RFX3: variants seen among roughly 807,000 people sequenced by gnomAD.
RFX3 encodes the protein transcription factor RFX3.
A neutral mutation model predicts 98.6 loss-of-function variants in RFX3; 14 were observed. The ratio of observed to expected loss-of-function variants is 0.14; its 90% confidence interval spans 0.09 to 0.22. The LOEUF (loss-of-function observed/expected upper bound fraction) is 0.22, where lower values mean the gene tolerates loss of function less well. Ranked by LOEUF, RFX3 falls within the 10% of genes least tolerant of loss-of-function variation. The pLI is 1.00. For synonymous variants in RFX3, 383 were observed against 328.4 expected (o/e 1.17, Z -1.80); for missense variants, 639 against 926.9 (o/e 0.69, Z 4.03).
chr9:3,491,006 T>C (rs1438422393), intron 1 of RFX3, among the ~76,000 whole-genome samples: 1 of 152,138 alleles, frequency 6.6e-6, no homozygotes, highest in Non-Finnish European at 1.5e-5. Context: ...TTACAACGTA[T>C]ATCTGATAAT....
chr9:3,467,780 C>G (rs182549397), intron 1 of RFX3, among the ~76,000 whole-genome samples: 20 of 152,272 alleles, frequency 1.3e-4, no homozygotes, highest in African/African-American at 4.8e-4. Context: ...CCAGTAGAGG[C>G]TGCCAGTGTA....
chr9:3,322,733 G>A (rs574837824), intron 4 of RFX3, among the ~76,000 whole-genome samples: 10 of 151,602 alleles, frequency 6.6e-5, no homozygotes, highest in Admixed American at 2.6e-4. Context: ...ACTCCATCTC[G>A]AAAGAAAAAA....
At chr9:3,274,366 A>T (rs1224548343) in intron 9 of RFX3, among the ~76,000 whole-genome samples, 3 of 152,212 alleles carry the variant, frequency 2.0e-5, no homozygotes, top group Non-Finnish European at 4.4e-5. Flanking sequence ...AGTAGATCAC[A>T]AATATCCCTG....
chr9:3,503,053 T>A (rs1816217511), intron 1 of RFX3, among the ~76,000 whole-genome samples: 1 of 152,184 alleles, frequency 6.6e-6, no homozygotes, highest in African/African-American at 2.4e-5. Flanking sequence ...ACCTCACATA[T>A]CTTTTCATAA....
intron 1 of RFX3, among the ~76,000 whole-genome samples, chr9:3,508,490 C>G (rs1347703705): frequency 6.6e-6 from 1 of 151,886 alleles, no homozygotes; most frequent in Non-Finnish European, 1.5e-5. Context: ...TTCTGACTCT[C>G]TCAATTCATC....
At position 3,228,885 on chromosome 9, in the gene RFX3, C is replaced by G. The variant is rs866743241; in HGVS notation, c.1973G>C (p.Gly658Ala). The change falls in exon 16 of 17, where the codon GGT (glycine) becomes GCT (alanine). Residue 658 changes from glycine (G) to alanine (A), a missense_variant. By Grantham distance (60) the Gly-to-Ala change is moderately conservative (BLOSUM62 0). Coordinates refer to ENST00000617270, the MANE Select transcript of RFX3 (RefSeq NM_001282116.2). ...TCCAGGAGACACGGCATTTAAATCA[C>G]CAAACTGCAAAACAATAGTCATTTG... Reference protein sequence around the residue: ...ETPIAVMGEFGDLNAVSPGNL... With the variant: ...ETPIAVMGEFADLNAVSPGNL... 6.2e-7 allele frequency: 1 copy of G among 1,610,570 alleles called. No homozygotes were observed. The highest frequency in any genetic ancestry group is 8.5e-7 in the Non-Finnish European group (1 of 1,178,646).
At chr9:3,512,948 G>A (rs1423381937) in intron 1 of RFX3, among the ~76,000 whole-genome samples, 1 of 151,066 alleles carries the variant, frequency 6.6e-6, no homozygotes, top group African/African-American at 2.4e-5. Context: ...TGTCCTTTTT[G>A]TAACCCTCTA....
In RFX3 at chr9:3,344,731, G is replaced by A. The variant is rs906236249; in HGVS notation, c.215+1936C>T. On this transcript the variant is annotated intron_variant, in intron 3 of 16. Transcript: ENST00000617270. Reference sequence around the variant, plus strand: ...AGATGAAATGACAACTGACAACTGGGTGACCTCTAGCAGTGTCTACAAAGC... The same window carrying A: ...AGATGAAATGACAACTGACAACTGGATGACCTCTAGCAGTGTCTACAAAGC... 7 of 602,928 alleles carry A rather than the reference G, an allele frequency of 1.2e-5. No individual in the cohort carries two copies. In the African/African-American group the frequency reaches 1.4e-4, roughly 12 times the overall value. The allele number at this position is 602,928 out of a possible 1,614,324, so 37.3% of individuals were successfully genotyped here.
At chr9:3,467,096 G>GTATATATGTATATACATACATA (rs1848320411) in intron 1 of RFX3, among the ~76,000 whole-genome samples, 4 of 95,562 alleles carry the variant, frequency 4.2e-5, no homozygotes, top group Admixed American at 9.8e-5. Flanking sequence ...ATACATATAT[G>GTATATATGTATATACATACATA]TAAGTATATA....
intron 4 of RFX3, among the ~76,000 whole-genome samples, chr9:3,320,744 A>G (rs904392167): frequency 8.5e-6 from 1 of 117,908 alleles, no homozygotes; most frequent in Non-Finnish European, 1.6e-5. Context: ...GTGCCTATAT[A>G]TACATATAAT....
intron 5 of RFX3, among the ~76,000 whole-genome samples, chr9:3,301,284 A>T (rs1422328054): frequency 6.6e-6 from 1 of 151,918 alleles, no homozygotes; most frequent in Non-Finnish European, 1.5e-5. Flanking sequence ...TTGTACAAAT[A>T]CATGGCAACT....
chr9:3,504,357 T>G (rs922929679), intron 1 of RFX3, among the ~76,000 whole-genome samples: 1 of 120,562 alleles, frequency 8.3e-6, no homozygotes, highest in Non-Finnish European at 1.6e-5. Context: ...TAGCATATAT[T>G]GTATATAAAA....
At chr9:3,498,138 G>T (rs761165046) in intron 1 of RFX3, among the ~76,000 whole-genome samples, 1 of 151,980 alleles carries the variant, frequency 6.6e-6, no homozygotes, top group African/African-American at 2.4e-5. Context: ...TCCTTTTCAC[G>T]TCTACATTAG....
At chr9:3,252,460 G>C (rs1821544463) in intron 14 of RFX3, among the ~76,000 whole-genome samples, 1 of 152,172 alleles carries the variant, frequency 6.6e-6, no homozygotes, top group Non-Finnish European at 1.5e-5. Flanking sequence ...TTCTTTCTGA[G>C]GAGGTGATAT....
At chr9:3,294,526 T>G (rs1035027248) in intron 5 of RFX3, among the ~76,000 whole-genome samples, 1 of 152,134 alleles carries the variant, frequency 6.6e-6, no homozygotes, top group Admixed American at 6.6e-5. Flanking sequence ...ATATGGACAT[T>G]TAAATAAATA....
chr9:3,460,868 A>C (rs1051025667), intron 1 of RFX3, among the ~76,000 whole-genome samples: 2 of 151,882 alleles, frequency 1.3e-5, no homozygotes, highest in Non-Finnish European at 2.9e-5. Flanking sequence ...ATTTCCTAAC[A>C]ACATATTATT....
chr9:3,379,760 T>G (rs886327592), intron 2 of RFX3, among the ~76,000 whole-genome samples: 3 of 152,204 alleles, frequency 2.0e-5, no homozygotes, highest in Non-Finnish European at 4.4e-5. Context: ...TCTCCAGTTC[T>G]CAGCAGAGTA....
chr9:3,516,559 G>C (rs1818190449), intron 1 of RFX3, among the ~76,000 whole-genome samples: 1 of 152,136 alleles, frequency 6.6e-6, no homozygotes, highest in Non-Finnish European at 1.5e-5. Flanking sequence ...GTAGTCCAAA[G>C]GCTCTCGGAG....
At chr9:3,408,854 C>A (rs987360431) in intron 1 of RFX3, among the ~76,000 whole-genome samples, 2 of 152,160 alleles carry the variant, frequency 1.3e-5, no homozygotes, top group Non-Finnish European at 2.9e-5. Flanking sequence ...CCGTCCCTGG[C>A]AGAGATGGTG....
Sources: gnomAD v4.1 joint callset for allele counts (sites outside exome capture counted in the v4.1 genomes callset) on GRCh38, gnomAD v4.1.1 for gene constraint, MANE v1.5 for transcripts, NCBI Gene and HGNC (gene_info 2026-07-23, HGNC 2026-07-21) for gene names.